DST: variants seen among roughly 807,000 people sequenced by gnomAD.
DST encodes dystonin.
In DST, 253 loss-of-function variants were observed where a neutral mutation model predicts 875.2. The ratio of observed to expected loss-of-function variants is 0.29; its 90% CI spans 0.26 to 0.32. The LOEUF (loss-of-function observed/expected upper bound fraction) is 0.32. Ranked by LOEUF, DST falls within the 10% of genes least tolerant of loss-of-function variation. The pLI is 1.00. For missense variants in DST, 8,287 were observed against 9,111.6 expected, an observed-to-expected ratio of 0.91 and a Z score of 3.68; for synonymous variants, 3,124 against 3,197.1, an observed-to-expected ratio of 0.98 and a Z score of 0.77.
chr6:56,869,362 G>A (rs946387355), intron 3 of DST, among the ~76,000 whole-genome samples: 1 of 152,178 alleles, frequency 6.6e-6, no homozygotes. Flanking sequence ...ATACAGAAAT[G>A]TTAGGCTGAT....
Position 56,522,745 on chromosome 6 carries a change from A to G in DST, c.18129+3616T>C, listed in dbSNP as rs190125823. 1.2e-3 allele frequency among the ~76,000 whole-genome samples: 179 copies of G among 152,272 alleles called. 1 individual carries two copies. The highest frequency in any genetic ancestry group is 3.7e-3 in the Admixed American group (56 of 15,268). On this transcript the variant is annotated intron_variant, in intron 69 of 103. Transcript: ENST00000680361. The stretch of plus-strand genomic sequence containing the variant: ...TTATGGGGCCCACTTACATAAGCCA[A>G]GCAATTAGAACTGCTGAAGAAAGCT...
Position 56,670,790 on chromosome 6 carries a change from A to G in DST, c.1065T>C (p.Val355=). ...CAGACATATCCTCTGACTCTCCAGT[A>G]ACATGGATATCAGATATCTAGATAT... ...ILHFQISDIH[V]TGESEDMSAK... Residue 355 remains valine, a synonymous_variant, in exon 10 of 104, where the codon GTT becomes GTC. Coordinates refer to ENST00000680361, the MANE Select transcript of DST (RefSeq NM_001374736.1). The G allele has an allele frequency of 6.3e-7, 1 of 1,596,640 alleles. No homozygotes were observed. Among genetic ancestry groups the G allele is most frequent in the African/African-American group, 1.3e-5 (1 of 74,232 alleles).
chr6:56,493,688 T>C (rs2095824186), intron 83 of DST, among the ~76,000 whole-genome samples: 1 of 152,138 alleles, frequency 6.6e-6, no homozygotes, highest in Non-Finnish European at 1.5e-5. Context: ...ATATAGTCTT[T>C]TGTTTAATTA....
chr6:56,910,171 T>C (rs1479652373), intron 2 of DST, among the ~76,000 whole-genome samples: 1 of 152,220 alleles, frequency 6.6e-6, no homozygotes, highest in Non-Finnish European at 1.5e-5. Context: ...TTTCTTTTTA[T>C]TTATTATTTT....
At position 56,899,217 on chromosome 6, in the gene DST, A is replaced by G. The variant is rs1342698839; in HGVS notation, c.417+1204T>C. The stretch of plus-strand genomic sequence containing the variant: ...GTTAACACATATCTGTATGTCCCTT[A>G]TTTTCTACATAAAATGCATGTTTGT... On this transcript the variant is annotated intron_variant, in intron 3 of 103. Transcript: ENST00000680361. 3.3e-5 allele frequency among the ~76,000 whole-genome samples: 5 copies of G among 152,312 alleles called. No homozygotes were observed. In the South Asian group the frequency reaches 6.2e-4, roughly 19 times the overall value.
At chr6:56,826,043 T>C (rs2099780053) in intron 4 of DST, among the ~76,000 whole-genome samples, 1 of 152,368 alleles carries the variant, frequency 6.6e-6, no homozygotes, top group South Asian at 2.1e-4. Context: ...AACGGATCCT[T>C]TGGCTTAGGA....
intron 49 of DST, among the ~76,000 whole-genome samples, chr6:56,584,721 G>C (rs2098109923): frequency 6.6e-6 from 1 of 152,058 alleles, no homozygotes; most frequent in African/African-American, 2.4e-5. Context: ...TATGATATTG[G>C]CTGTGGGTCT....
At chr6:56,630,845 C>T (rs1314444969) in intron 30 of DST, among the ~76,000 whole-genome samples, 5 of 150,786 alleles carry the variant, frequency 3.3e-5, no homozygotes, top group East Asian at 3.9e-4. Context: ...TGCAGTGGCG[C>T]GATATCGGCT....
At chr6:56,631,453 C>T in intron 29 of DST, 64 bp from the exon 30 acceptor site, 1 of 1,363,102 alleles carries the variant, frequency 7.3e-7, no homozygotes, top group Non-Finnish European at 1.0e-6. Context: ...TTTTCTTAAA[C>T]TAGTTGAAAA....
Position 56,482,711 on chromosome 6 carries a change from T to C in DST, c.21374A>G (p.Gln7125Arg). The change falls in exon 89 of 104, where the codon CAA becomes CGA. Residue 7125 changes from glutamine to arginine, a missense_variant. Transcript: ENST00000680361. ...ACGCAGGGCTGCTTCTAACCGTGTT[T>C]GCTTTGATATAGAAAGTGCACACAC... ...ETVCALSISK[Q>R]TRLEAALRQA... 1.2e-6 allele frequency: 2 copies of C among 1,613,826 alleles called. No individual in the cohort carries two copies. Among genetic ancestry groups the C allele is most frequent in the Non-Finnish European group, 1.7e-6 (2 of 1,179,774 alleles).
At chr6:56,578,623 C>T (rs1457200143) in intron 50 of DST, among the ~76,000 whole-genome samples, 191 bp downstream of exon 50, 1 of 152,104 alleles carries the variant, frequency 6.6e-6, no homozygotes, top group Admixed American at 6.6e-5. Context: ...GACACATAGC[C>T]CCCGCCTCTA....
intron 46 of DST, 47 bp from the exon 47 acceptor site, chr6:56,598,053 C>A: frequency 6.6e-7 from 1 of 1,512,212 alleles, no homozygotes; most frequent in Admixed American, 2.1e-5. Context: ...TGGGCCAAGG[C>A]ATAGTTTTAA....
At chr6:56,804,940 T>C (rs968752841) in intron 4 of DST, among the ~76,000 whole-genome samples, 1 of 152,084 alleles carries the variant, frequency 6.6e-6, no homozygotes, top group Non-Finnish European at 1.5e-5. Context: ...AAATTTCATT[T>C]AGGGTACAAA....
intron 5 of DST, among the ~76,000 whole-genome samples, chr6:56,729,623 A>T (rs942584659): frequency 6.6e-6 from 1 of 152,086 alleles, no homozygotes; most frequent in African/African-American, 2.4e-5. Context: ...AAAAAAAAAA[A>T]AAATTCCCCT....
intron 100 of DST, 34 bp downstream of exon 100, chr6:56,464,651 A>C (rs757842797): frequency 2.1e-6 from 3 of 1,436,576 alleles, no homozygotes; most frequent in Non-Finnish European, 2.9e-6. Context: ...AGAGAAAAGG[A>C]AAGAGGGGAG....
At chr6:56,740,575 G>A (rs1394891629) in intron 4 of DST, among the ~76,000 whole-genome samples, 1 of 152,090 alleles carries the variant, frequency 6.6e-6, no homozygotes, top group Non-Finnish European at 1.5e-5. Flanking sequence ...CCTTGGTTAG[G>A]ACCCAACTCT....
chr6:56,703,333 T>C (rs2099318755), intron 7 of DST, among the ~76,000 whole-genome samples: 1 of 152,178 alleles, frequency 6.6e-6, no homozygotes, highest in Non-Finnish European at 1.5e-5. Context: ...ACTTGTAAAA[T>C]TTCCATGTTT....
chr6:56,777,612 C>G (rs2099681650), intron 4 of DST, among the ~76,000 whole-genome samples: 1 of 152,000 alleles, frequency 6.6e-6, no homozygotes, highest in Admixed American at 6.6e-5. Flanking sequence ...TCAGTCACTT[C>G]CAAAAGGCAC....
chr6:56,901,416 C>A (rs971893412), intron 2 of DST, among the ~76,000 whole-genome samples: 23 of 152,090 alleles, frequency 1.5e-4, no homozygotes, highest in Non-Finnish European at 2.6e-4. Context: ...GCCAACATGG[C>A]GAAACCCTGT....
Sources: allele counts gnomAD v4.1 joint callset (sites outside exome capture counted in the v4.1 genomes callset), GRCh38; gene constraint gnomAD v4.1.1; transcripts MANE v1.5; gene names NCBI Gene and HGNC (gene_info 2026-07-23, HGNC 2026-07-21).